Variants in AGFG1 observed in about 807,000 individuals in gnomAD.
AGFG1 encodes the protein ArfGAP with FG repeats 1.
In AGFG1, 10 loss-of-function variants were observed where a neutral mutation model predicts 60.6. The ratio of observed to expected loss-of-function variants is 0.16; its 90% CI spans 0.10 to 0.28. AGFG1 has a LOEUF of 0.28. Among genes scored for constraint, AGFG1 ranks in the 10% least tolerant of loss-of-function variants. The pLI is 1.00. For synonymous variants in AGFG1, 247 were observed against 242.9 expected, an observed-to-expected ratio of 1.02 and a Z score of -0.16; for missense variants, 537 against 676.5, an observed-to-expected ratio of 0.79 and a Z score of 2.29.
At chr2:227,489,699 G>A (rs1466514595) in intron 1 of AGFG1, among the ~76,000 whole-genome samples, 2 of 152,116 alleles carry the variant, frequency 1.3e-5, no homozygotes, top group African/African-American at 4.8e-5. Context: ...CAAATGAAGT[G>A]TAACTTGTCT....
chr2:227,540,257 A>G (rs1473361465), intron 10 of AGFG1, among the ~76,000 whole-genome samples: 1 of 149,318 alleles, frequency 6.7e-6, no homozygotes, highest in Non-Finnish European at 1.5e-5. Flanking sequence ...GGTTTGTTAC[A>G]TATGTATACA....
chr2:227,472,296 G>T lies in AGFG1; in HGVS notation c.-126G>T, dbSNP rs1690112741. ...CAGCCAAGCCGCTGCGGCCGGGTCC[G>T]GCGCGGGCGGCGCGCGCAGACGGAG... On this transcript the variant is annotated 5_prime_UTR_variant, in exon 1 of 13. Transcript: ENST00000310078. 1.8e-6 allele frequency: 1 copy of T among 543,720 alleles called. No homozygotes were observed. Among genetic ancestry groups the T allele is most frequent in the African/African-American group, 2.1e-5 (1 of 48,314 alleles). 33.7% of individuals were successfully genotyped at this position (543,720 alleles called of 1,614,324 possible).
intron 2 of AGFG1, among the ~76,000 whole-genome samples, chr2:227,514,213 ATTTTTTT>A (rs200340922): frequency 1.3e-5 from 2 of 151,852 alleles, no homozygotes; most frequent in Non-Finnish European, 2.9e-5. Context: ...AACTAATACA[ATTTTTTT>A]TGTTGTTTTT....
intron 2 of AGFG1, among the ~76,000 whole-genome samples, chr2:227,495,921 G>A (rs1690958772): frequency 6.6e-6 from 1 of 151,256 alleles, no homozygotes; most frequent in African/African-American, 2.4e-5. Flanking sequence ...TGGCCAACGT[G>A]GCGAAACTCT....
At chr2:227,483,865 C>T (rs1690540272) in intron 1 of AGFG1, among the ~76,000 whole-genome samples, 1 of 151,990 alleles carries the variant, frequency 6.6e-6, no homozygotes, top group Non-Finnish European at 1.5e-5. Flanking sequence ...AAAAAATTGG[C>T]CAAGTTTTTT....
intron 2 of AGFG1, among the ~76,000 whole-genome samples, chr2:227,509,324 A>G (rs749122402): frequency 9.9e-5 from 15 of 152,162 alleles, no homozygotes; most frequent in Non-Finnish European, 2.1e-4. Flanking sequence ...TGTACTCTTC[A>G]AAGATATCAT....
chr2:227,520,080 T>C lies in AGFG1; in HGVS notation c.377+17T>C. The C allele has an allele frequency of 2.0e-6, 3 of 1,474,948 alleles. No homozygotes were observed. The highest frequency in any genetic ancestry group is 2.4e-5 in the East Asian group (1 of 42,290). The allele number at this position is 1,474,948 out of a possible 1,614,324, so 91.4% of individuals were successfully genotyped here. Reference sequence around the variant, plus strand: ...GAAAAGATGGTGAGTGAAGAGTTTGTATGTAGAATAAAGCCTCCCCAAATC... The same window carrying C: ...GAAAAGATGGTGAGTGAAGAGTTTGCATGTAGAATAAAGCCTCCCCAAATC... On this transcript the variant is annotated intron_variant, in intron 3 of 12. Coordinates refer to ENST00000310078, the MANE Select transcript of AGFG1 (RefSeq NM_004504.5).
intron 2 of AGFG1, among the ~76,000 whole-genome samples, chr2:227,498,001 C>T (rs1477718426): frequency 1.3e-5 from 2 of 151,948 alleles, no homozygotes; most frequent in Admixed American, 1.3e-4. Flanking sequence ...TTTCCCTGAC[C>T]TTCATTTTCC....
chr2:227,513,560 G>A (rs1479480041), intron 2 of AGFG1, among the ~76,000 whole-genome samples: 2 of 152,124 alleles, frequency 1.3e-5, no homozygotes, highest in African/African-American at 2.4e-5. Flanking sequence ...CTGCCAATGG[G>A]TAGTGATATG....
In AGFG1 at chr2:227,532,066, A is replaced by G; in HGVS notation, c.814+856A>G. On this transcript the variant is annotated intron_variant, in intron 6 of 12. Coordinates refer to ENST00000310078, the MANE Select transcript of AGFG1 (RefSeq NM_004504.5). ...CTTTTAACTCTGTGTATTGTCTTAA[A>G]GCCTTTTCTTTCAATTTTCTTTTTT... is the stretch of plus-strand genomic sequence containing the variant. The G allele has an allele frequency of 8.0e-7, 1 of 1,243,318 alleles. No individual in the cohort carries two copies. The highest frequency in any genetic ancestry group is 2.7e-5 in the East Asian group (1 of 37,602). 77.0% of individuals were successfully genotyped at this position (1,243,318 alleles called of 1,614,324 possible).
At chr2:227,502,643 T>C (rs777104670) in intron 2 of AGFG1, among the ~76,000 whole-genome samples, 7 of 152,182 alleles carry the variant, frequency 4.6e-5, no homozygotes, top group Non-Finnish European at 1.0e-4. Context: ...CTTTTTGATA[T>C]CTTTTGGCAA....
intron 2 of AGFG1, among the ~76,000 whole-genome samples, chr2:227,504,188 ATTTT>A (rs111498312): frequency 7.2e-6 from 1 of 138,580 alleles, no homozygotes. Context: ...CTTGGTGTAA[ATTTT>A]TTTTTTTTTT....
At chr2:227,478,490 C>T (rs770628715) in intron 1 of AGFG1, among the ~76,000 whole-genome samples, 7 of 151,712 alleles carry the variant, frequency 4.6e-5, no homozygotes, top group East Asian at 1.9e-4. Flanking sequence ...ACTACAGGCG[C>T]GTGCCACCAT....
intron 1 of AGFG1, among the ~76,000 whole-genome samples, chr2:227,479,266 A>G (rs577181095): frequency 1.3e-5 from 2 of 152,384 alleles, no homozygotes; most frequent in Admixed American, 6.5e-5. Flanking sequence ...ATAACTGAGT[A>G]TAAAGGCATT....
intron 2 of AGFG1, among the ~76,000 whole-genome samples, chr2:227,511,315 A>G (rs191002684): frequency 6.1e-4 from 93 of 152,304 alleles, no homozygotes; most frequent in Admixed American, 9.8e-4. Flanking sequence ...AGCATAGTCC[A>G]TGGTTGTAGG....
chr2:227,543,144 GTCTC>G (rs1191581815), intron 10 of AGFG1, among the ~76,000 whole-genome samples: 1 of 152,008 alleles, frequency 6.6e-6, no homozygotes, highest in African/African-American at 2.4e-5. Context: ...GGTTTTTTGT[GTCTC>G]TCTCTCCTTC....
At position 227,553,723 on chromosome 2, in the gene AGFG1, T is replaced by C; in HGVS notation, c.1557T>C (p.Phe519=). Residue 519 remains phenylalanine, a synonymous_variant, in exon 12 of 13, where the codon TTT becomes TTC. Coordinates refer to ENST00000310078, the MANE Select transcript of AGFG1 (RefSeq NM_004504.5). ...AACAAGGTGCAGGTTTTGCAGCATT[T>C]GGACAAACAAAGCCAGTAGTAACCC... ...QQPNGAGFAA[F]GQTKPVVTPF... is the part of the protein sequence containing the mutation. 6.2e-7 allele frequency: 1 copy of C among 1,613,934 alleles called. No homozygotes were observed. Among genetic ancestry groups the C allele is most frequent in the South Asian group, 1.1e-5 (1 of 91,078 alleles).
At chr2:227,546,378 G>C (rs1016099960) in intron 10 of AGFG1, among the ~76,000 whole-genome samples, 12 of 152,204 alleles carry the variant, frequency 7.9e-5, no homozygotes, top group Admixed American at 6.5e-4. Context: ...CGATTTTCCA[G>C]GTACCGTCTG....
At chr2:227,494,442 G>A (rs1690915441) in intron 2 of AGFG1, among the ~76,000 whole-genome samples, 1 of 152,158 alleles carries the variant, frequency 6.6e-6, no homozygotes, top group Non-Finnish European at 1.5e-5. Flanking sequence ...CATACATCTT[G>A]TGCATGAATG....
Sources: allele counts gnomAD v4.1 joint callset (sites outside exome capture counted in the v4.1 genomes callset), GRCh38; gene constraint gnomAD v4.1.1; transcripts MANE v1.5; gene names NCBI Gene and HGNC (gene_info 2026-07-23, HGNC 2026-07-21).